The following CDH10 variants were observed in gnomAD, a reference collection of about 807,000 sequenced individuals.
CDH10 encodes the protein cadherin 10.
In CDH10, 30 loss-of-function variants were observed where a neutral mutation model predicts 73.1. That is an observed-to-expected ratio of 0.41 (90% CI 0.31 to 0.56). The LOEUF is 0.56. Among genes scored for constraint, CDH10 ranks in the 20% least tolerant of loss-of-function variants. The probability of loss-of-function intolerance (pLI) is 0.27; values close to 1 mark genes in which losing one functional copy is unlikely to be tolerated. For missense variants in CDH10, 815 were observed against 973.7 expected (o/e 0.84, Z 2.17); for synonymous variants, 345 against 348.2 (o/e 0.99, Z 0.10).
intron 1 of CDH10, among the ~76,000 whole-genome samples, chr5:24,638,708 A>T (rs2112215008): frequency 6.6e-6 from 1 of 151,960 alleles, no homozygotes; most frequent in Non-Finnish European, 1.5e-5. Context: ...GTTCAAGACT[A>T]CAGAGCAGGA....
At chr5:24,504,400 T>C (rs1296268477) in intron 8 of CDH10, among the ~76,000 whole-genome samples, 2 of 151,922 alleles carry the variant, frequency 1.3e-5, no homozygotes, top group East Asian at 3.9e-4. Context: ...CCTTTCTTTG[T>C]CATCCTAGTA....
chr5:24,500,294 T>C (rs1444358567), intron 8 of CDH10, among the ~76,000 whole-genome samples: 1 of 152,228 alleles, frequency 6.6e-6, no homozygotes, highest in African/African-American at 2.4e-5. Flanking sequence ...AGCAGGGATA[T>C]ATTTACAAGG....
In CDH10 at chr5:24,505,210, A is replaced by G; in HGVS notation, c.1295T>C (p.Phe432Ser). 6.2e-7 allele frequency: 1 copy of G among 1,613,030 alleles called. No individual in the cohort carries two copies. The highest frequency in any genetic ancestry group is 8.5e-7 in the Non-Finnish European group (1 of 1,179,118). ...LDRHTDLDRI[F>S]NIHSGNGSLY... ...AGATCCATTTCCTGAATGAATGTTA[A>G]AGATTCTGTCAAGGTCAGTATGGCG... The change falls in exon 8 of 12, where the codon TTT (phenylalanine) becomes TCT (serine). Residue 432 changes from phenylalanine (F) to serine (S), a missense_variant. Transcript: ENST00000264463.
chr5:24,641,477 T>C (rs1159486852), intron 1 of CDH10, among the ~76,000 whole-genome samples: 4 of 152,040 alleles, frequency 2.6e-5, no homozygotes, highest in Admixed American at 6.6e-5. Flanking sequence ...AATTTAGGAC[T>C]TGTATTTTTT....
chr5:24,584,872 G>C (rs1175420789), intron 2 of CDH10, among the ~76,000 whole-genome samples: 1 of 151,018 alleles, frequency 6.6e-6, no homozygotes, highest in African/African-American at 2.4e-5. Flanking sequence ...CCTGATACAA[G>C]GTCTCACTCT....
At chr5:24,622,216 T>G (rs1460738908) in intron 1 of CDH10, among the ~76,000 whole-genome samples, 2 of 150,224 alleles carry the variant, frequency 1.3e-5, no homozygotes, top group African/African-American at 4.9e-5. Flanking sequence ...AACTCACAAG[T>G]CACAGCTGAC....
intron 8 of CDH10, among the ~76,000 whole-genome samples, chr5:24,502,621 A>G (rs1742540572): frequency 6.6e-6 from 1 of 152,194 alleles, no homozygotes; most frequent in African/African-American, 2.4e-5. Flanking sequence ...AGGACAAAAA[A>G]AAGATTCAGT....
intron 1 of CDH10, among the ~76,000 whole-genome samples, chr5:24,606,431 T>A (rs1397464476): frequency 6.6e-6 from 1 of 151,912 alleles, no homozygotes; most frequent in Non-Finnish European, 1.5e-5. Flanking sequence ...GCCAACAGGG[T>A]GAAAGCTTGT....
At chr5:24,547,705 G>A (rs1561154987) in intron 2 of CDH10, among the ~76,000 whole-genome samples, 1 of 152,138 alleles carries the variant, frequency 6.6e-6, no homozygotes, top group Non-Finnish European at 1.5e-5. Context: ...TTTAAGTAAA[G>A]AGGTGAAAGT....
intron 1 of CDH10, among the ~76,000 whole-genome samples, chr5:24,623,865 G>A (rs1747397767): frequency 6.6e-6 from 1 of 152,084 alleles, no homozygotes; most frequent in African/African-American, 2.4e-5. Flanking sequence ...TACCAGTGAT[G>A]AAAATGAAAA....
intron 1 of CDH10, among the ~76,000 whole-genome samples, chr5:24,624,102 A>G (rs1046636641): frequency 8.5e-5 from 13 of 152,152 alleles, no homozygotes; most frequent in Non-Finnish European, 1.0e-4. Context: ...TCTGAGGTCT[A>G]GTAGAGAAAA....
At chr5:24,602,883 G>T (rs934915522) in intron 1 of CDH10, among the ~76,000 whole-genome samples, 1 of 152,120 alleles carries the variant, frequency 6.6e-6, no homozygotes, top group Non-Finnish European at 1.5e-5. Context: ...CATAAGGGAA[G>T]AATATGTCTC....
At chr5:24,566,331 A>G (rs1745163779) in intron 2 of CDH10, among the ~76,000 whole-genome samples, 1 of 152,158 alleles carries the variant, frequency 6.6e-6, no homozygotes, top group Non-Finnish European at 1.5e-5. Context: ...TACAGGAGTG[A>G]GCCACCACTC....
At position 24,561,665 on chromosome 5, in the gene CDH10, C is replaced by T. The variant is rs115371171; in HGVS notation, c.232-23991G>A. Among the ~76,000 whole-genome samples, 1,219 of 152,104 alleles carry T rather than the reference C, an allele frequency of 8.0e-3. 12 individuals are homozygous for T. Among genetic ancestry groups the T allele is most frequent in the Non-Finnish European group, 0.012 (794 of 67,976 alleles). The stretch of plus-strand genomic sequence containing the variant: ...CTATAAAGTGTCTCAAAACTACCCA[C>T]GTTAAGATTAAATGCAGATTATTTG... On this transcript the variant is annotated intron_variant, in intron 2 of 11. Coordinates refer to ENST00000264463, the MANE Select transcript of CDH10 (RefSeq NM_006727.5).
intron 2 of CDH10, among the ~76,000 whole-genome samples, chr5:24,562,895 C>G (rs148391281): frequency 1.8e-4 from 27 of 152,258 alleles, no homozygotes; most frequent in African/African-American, 6.3e-4. Flanking sequence ...TTTTCCTCAA[C>G]CATTTGACAG....
chr5:24,489,243 T>C (rs907395532), intron 11 of CDH10, among the ~76,000 whole-genome samples: 5 of 152,146 alleles, frequency 3.3e-5, no homozygotes, highest in Non-Finnish European at 5.9e-5. Flanking sequence ...AATTACATTA[T>C]TATATGAAGG....
chr5:24,504,212 G>C (rs1313228102), intron 8 of CDH10, among the ~76,000 whole-genome samples: 3 of 152,048 alleles, frequency 2.0e-5, no homozygotes, highest in Admixed American at 1.3e-4. Flanking sequence ...CCTGAAAGCA[G>C]GACATAAAAC....
intron 7 of CDH10, among the ~76,000 whole-genome samples, chr5:24,506,355 T>A (rs576743507): frequency 1.3e-5 from 2 of 152,298 alleles, no homozygotes; most frequent in South Asian, 4.1e-4. Flanking sequence ...CAACTACATA[T>A]CTAACATTCA....
At chr5:24,567,882 A>G (rs1745220037) in intron 2 of CDH10, among the ~76,000 whole-genome samples, 1 of 152,140 alleles carries the variant, frequency 6.6e-6, no homozygotes, top group African/African-American at 2.4e-5. Context: ...ATAACTATGT[A>G]TGCATTTTTT....
Sources: allele counts gnomAD v4.1 joint callset (sites outside exome capture counted in the v4.1 genomes callset), GRCh38; gene constraint gnomAD v4.1.1; transcripts MANE v1.5; gene names NCBI Gene and HGNC (gene_info 2026-07-23, HGNC 2026-07-21).